SLC22A4: variants seen among roughly 807,000 people sequenced by gnomAD.
The protein encoded by SLC22A4 is solute carrier family 22 member 4.
In SLC22A4, 39 loss-of-function variants were observed where a neutral mutation model predicts 56.6. The observed-to-expected ratio is 0.69, with a 90% CI of 0.53 to 0.90. The LOEUF (loss-of-function observed/expected upper bound fraction) is 0.90. Among genes scored for constraint, SLC22A4 ranks in the 40% least tolerant of loss-of-function variants. SLC22A4 has a pLI of 0.00. For synonymous variants in SLC22A4, 241 were observed against 281.4 expected (o/e 0.86, Z 1.44); for missense variants, 594 against 696.5 (o/e 0.85, Z 1.66).
In SLC22A4 at chr5:132,335,991, G is replaced by A; in HGVS notation, c.1435G>A (p.Val479Ile). ...GGGCAGCATCATTGCCCCCTACTTT[G>A]TTTACCTCGGTGAGCTGCATCTTGT... is the stretch of plus-strand genomic sequence containing the variant. The part of the protein sequence containing the change: ...RVGSIIAPYF[V>I]YLGAYNRMLP... The change falls in exon 8 of 10, where the codon GTT becomes ATT. Residue 479 changes from valine (V) to isoleucine (I), a missense_variant. Val to Ile is a conservative substitution (Grantham distance 29). Transcript: ENST00000200652. 1 of 1,613,940 alleles carries A rather than the reference G, an allele frequency of 6.2e-7. No individual in the cohort carries two copies. The highest frequency in any genetic ancestry group is 8.5e-7 in the Non-Finnish European group (1 of 1,179,816).
chr5:132,333,238 A>G (rs1241444132), intron 6 of SLC22A4, among the ~76,000 whole-genome samples: 2 of 152,368 alleles, frequency 1.3e-5, no homozygotes, highest in Admixed American at 6.5e-5. Context: ...ACTCAGGTTC[A>G]GTCACTCACA....
At chr5:132,298,920 C>T (rs1331257595) in intron 1 of SLC22A4, among the ~76,000 whole-genome samples, 1 of 152,208 alleles carries the variant, frequency 6.6e-6, no homozygotes, top group Non-Finnish European at 1.5e-5. Flanking sequence ...GAGCCCCTCT[C>T]CCCACAGTGG....
chr5:132,312,969 C>T (rs1193822307), intron 2 of SLC22A4, among the ~76,000 whole-genome samples: 5 of 152,254 alleles, frequency 3.3e-5, no homozygotes. Context: ...ATTCTATCCA[C>T]TGGTCACTAC....
intron 1 of SLC22A4, chr5:132,311,564 C>A (rs938697319): frequency 6.3e-6 from 1 of 159,586 alleles, no homozygotes; most frequent in African/African-American, 2.4e-5. Flanking sequence ...AGTAAGTAGG[C>A]CCCAGAACGA....
intron 5 of SLC22A4, among the ~76,000 whole-genome samples, chr5:132,328,903 GTATATATATA>G (rs753290785): frequency 6.2e-5 from 6 of 96,444 alleles, no homozygotes; most frequent in Admixed American, 1.1e-4. Flanking sequence ...GTGTGTATGT[GTATATATATA>G]TATATATATA....
intron 4 of SLC22A4, 145 bp downstream of exon 4, chr5:132,322,500 G>C (rs1366686917): frequency 1.3e-6 from 1 of 765,674 alleles, no homozygotes; most frequent in Non-Finnish European, 2.2e-6. Flanking sequence ...GAGAGTTTTT[G>C]CCTCATTGTG....
At chr5:132,325,401 T>C (rs192315473) in intron 4 of SLC22A4, among the ~76,000 whole-genome samples, 2 of 152,328 alleles carry the variant, frequency 1.3e-5, no homozygotes, top group African/African-American at 4.8e-5. Flanking sequence ...ATACAGAACA[T>C]TTCAGAAGTT....
chr5:132,324,766 G>A (rs951723528), intron 4 of SLC22A4: 4 of 346,732 alleles, frequency 1.2e-5, no homozygotes, highest in Non-Finnish European at 2.3e-5. Context: ...CCTCACTGCT[G>A]TTTAGTCTGA....
At chr5:132,319,847 T>C (rs682821) in intron 3 of SLC22A4, among the ~76,000 whole-genome samples, 109,136 of 152,110 alleles carry the variant, frequency 0.72, 39,934 homozygotes, top group African/African-American at 0.85. Context: ...CTGCCTTGGC[T>C]TCCCTAGTGC....
At chr5:132,341,579 G>A (rs1751219335) in intron 9 of SLC22A4, among the ~76,000 whole-genome samples, 2 of 152,028 alleles carry the variant, frequency 1.3e-5, no homozygotes, top group Non-Finnish European at 2.9e-5. Context: ...CAAAGTCAAG[G>A]GGGAATAGTT....
At chr5:132,313,469 G>A in intron 2 of SLC22A4, 145 bp from the exon 3 acceptor site, 2 of 777,564 alleles carry the variant, frequency 2.6e-6, no homozygotes, top group Non-Finnish European at 4.7e-6. Flanking sequence ...CCTCACCAAG[G>A]AGGAAGATGG....
At chr5:132,337,272 T>A (rs148610066) in intron 8 of SLC22A4, among the ~76,000 whole-genome samples, 514 of 48,452 alleles carry the variant, frequency 0.011, 20 homozygotes, top group African/African-American at 0.02. Flanking sequence ...AGATTACCTT[T>A]TTTTTTTTTT....
At chr5:132,316,202 A>C (rs1047222143) in intron 3 of SLC22A4, among the ~76,000 whole-genome samples, 8 of 152,230 alleles carry the variant, frequency 5.3e-5, no homozygotes, top group Non-Finnish European at 7.3e-5. Flanking sequence ...CCACTGTCAA[A>C]GTAGTGCAGA....
At chr5:132,330,590 G>A (rs1750827237) in intron 5 of SLC22A4, among the ~76,000 whole-genome samples, 1 of 152,130 alleles carries the variant, frequency 6.6e-6, no homozygotes, top group Non-Finnish European at 1.5e-5. Flanking sequence ...GCCAGGTGTG[G>A]TGGCAGGTGC....
chr5:132,295,206 C>T (rs1749754034), intron 1 of SLC22A4, 197 bp downstream of exon 1: 1 of 735,056 alleles, frequency 1.4e-6, no homozygotes, highest in Non-Finnish European at 2.5e-6. Flanking sequence ...TCGTTTCTGT[C>T]CAATAAGGAG....
chr5:132,300,402 A>G (rs73787111), intron 1 of SLC22A4, among the ~76,000 whole-genome samples: 1 of 152,358 alleles, frequency 6.6e-6, no homozygotes, highest in African/African-American at 2.4e-5. Context: ...CACTGATTTT[A>G]GCATTCATCA....
rs561223759 is a variant in SLC22A4 at position 132,336,060 on chromosome 5, A to AT, written c.1444+64dup. The AT allele has an allele frequency of 3.1e-4, 474 of 1,532,656 alleles. 11 individuals are homozygous for AT. In the South Asian group the frequency reaches 5.1e-3, roughly 16 times the overall value. The allele number at this position is 1,532,656 out of a possible 1,614,324, so 94.9% of individuals were successfully genotyped here. A position where few individuals can be genotyped will look rare whatever the true frequency, so the allele number is the denominator to read the frequency against. ...AATTAGTTTTCAATGTAAAAGTAAGATTTTCATTGTGAAAATGTCAAATAG... is the reference window on the plus strand; with the variant it reads ...AATTAGTTTTCAATGTAAAAGTAAGATTTTTCATTGTGAAAATGTCAAATAG... On this transcript the variant is annotated intron_variant, in intron 8 of 9. Coordinates refer to ENST00000200652, the MANE Select transcript of SLC22A4 (RefSeq NM_003059.3).
chr5:132,335,798 A>G lies in SLC22A4; in HGVS notation c.1262-20A>G, dbSNP rs749347027. 6.9e-6 allele frequency: 11 copies of G among 1,603,918 alleles called. No homozygotes were observed. In the East Asian group the frequency reaches 2.5e-4, roughly 36 times the overall value. On this transcript the variant is annotated intron_variant, in intron 7 of 9. Transcript: ENST00000200652. The stretch of plus-strand genomic sequence containing the variant: ...ATCACTTCTAAAAGCACCATTGTTT[A>G]TACCGGGTCTCTTTTCCAGATTATT...
At chr5:132,308,372 ATTTTTTTTTTTTTTTTTTTTTT>A (rs56259514) in intron 1 of SLC22A4, among the ~76,000 whole-genome samples, 18 of 61,328 alleles carry the variant, frequency 2.9e-4, no homozygotes, top group South Asian at 1.8e-3. Context: ...TGATTAAGCA[ATTTTTTTTTTTTTTTTTTTTTT>A]TTTTTTTTTT....
Sources: gnomAD v4.1 joint callset for allele counts (sites outside exome capture counted in the v4.1 genomes callset) on GRCh38, gnomAD v4.1.1 for gene constraint, MANE v1.5 for transcripts, NCBI Gene and HGNC (gene_info 2026-07-23, HGNC 2026-07-21) for gene names.